ROR1: variants seen among roughly 807,000 people sequenced by gnomAD.
The protein encoded by ROR1 is ROR family WNT receptor 1.
A neutral mutation model predicts 78.8 loss-of-function variants in ROR1; 19 were observed. The ratio of observed to expected loss-of-function variants is 0.24; its 90% CI spans 0.17 to 0.35. The LOEUF is 0.35. ROR1 is among the 10% of genes least tolerant of loss of function. The probability of loss-of-function intolerance (pLI) is 1.00; values close to 1 mark genes in which losing one functional copy is unlikely to be tolerated. For synonymous variants in ROR1, 386 were observed against 433.6 expected, an observed-to-expected ratio of 0.89 and a Z score of 1.36; for missense variants, 917 against 1,177.8, an observed-to-expected ratio of 0.78 and a Z score of 3.24.
intron 4 of ROR1, among the ~76,000 whole-genome samples, chr1:64,085,036 C>T (rs903211406): frequency 1.1e-4 from 16 of 152,152 alleles, no homozygotes; most frequent in South Asian, 4.1e-4. Flanking sequence ...CCAAAATCAA[C>T]GGAGTGAGCA....
intron 2 of ROR1, among the ~76,000 whole-genome samples, chr1:64,021,237 A>G (rs973133805): frequency 5.9e-5 from 9 of 152,262 alleles, no homozygotes; most frequent in Admixed American, 2.0e-4. Flanking sequence ...AGATTTTTCT[A>G]TCCATGGTCT....
intron 6 of ROR1, among the ~76,000 whole-genome samples, chr1:64,140,848 T>C (rs1209093998): frequency 6.6e-6 from 1 of 152,160 alleles, no homozygotes; most frequent in Non-Finnish European, 1.5e-5. Context: ...ATCCAGACAG[T>C]GAAACATTAT....
rs111656300 is a variant in ROR1 at position 63,850,451 on chromosome 1, C to A, written c.91+75943C>A. Among the ~76,000 whole-genome samples the A allele has an allele frequency of 5.6e-3, 853 of 152,330 alleles. 7 individuals are homozygous for A. The highest frequency in any genetic ancestry group is 0.019 in the African/African-American group (793 of 41,574). ...TAGGTGCTGTGGAATTGCTCTCCAA[C>A]GGCCTTATGCCAGTGCGAGCTCCTT... is the stretch of plus-strand genomic sequence containing the variant. On this transcript the variant is annotated intron_variant, in intron 1 of 8. Coordinates refer to ENST00000371079, the MANE Select transcript of ROR1 (RefSeq NM_005012.4).
intron 1 of ROR1, among the ~76,000 whole-genome samples, chr1:63,818,658 A>C (rs1448824603): frequency 2.6e-5 from 4 of 152,372 alleles, no homozygotes; most frequent in Admixed American, 2.0e-4. Context: ...GGTAGAGCCC[A>C]AAATGGGCAT....
intron 1 of ROR1, among the ~76,000 whole-genome samples, chr1:63,975,409 A>T (rs1360416097): frequency 1.3e-5 from 2 of 152,142 alleles, no homozygotes; most frequent in Non-Finnish European, 2.9e-5. Flanking sequence ...TAGCAATGAA[A>T]CCTGGATTTT....
chr1:63,859,373 G>A (rs1396610098), intron 1 of ROR1, among the ~76,000 whole-genome samples: 1 of 152,148 alleles, frequency 6.6e-6, no homozygotes, highest in Non-Finnish European at 1.5e-5. Context: ...ATGAAAATAT[G>A]TACCTCCCTC....
intron 1 of ROR1, among the ~76,000 whole-genome samples, chr1:63,946,885 C>T (rs1645893710): frequency 1.3e-5 from 2 of 152,186 alleles, no homozygotes; most frequent in South Asian, 4.1e-4. Context: ...ACATGCCTGG[C>T]TCCTAACGGA....
At chr1:64,139,210 A>G (rs1649224857) in intron 5 of ROR1, among the ~76,000 whole-genome samples, 1 of 151,646 alleles carries the variant, frequency 6.6e-6, no homozygotes, top group Non-Finnish European at 1.5e-5. Context: ...TTTGATGTAA[A>G]TAATTGGTAA....
rs144886388 is a variant in ROR1, at chr1:63,780,499, A to G, written c.91+5991A>G. On this transcript the variant is annotated intron_variant, in intron 1 of 8. Transcript: ENST00000371079. ...AACTTATAGCGCCTAACACAGCACC[A>G]TGGACTTAGTGAACGTGAAGTATGT... 9.5e-3 allele frequency among the ~76,000 whole-genome samples: 1,453 copies of G among 152,310 alleles called. 9 individuals carry two copies. Among genetic ancestry groups the G allele is most frequent in the Non-Finnish European group, 0.016 (1,068 of 68,016 alleles).
chr1:64,115,203 T>G (rs1648272036), intron 4 of ROR1, among the ~76,000 whole-genome samples: 1 of 151,978 alleles, frequency 6.6e-6, no homozygotes, highest in Non-Finnish European at 1.5e-5. Flanking sequence ...ATTTACTAAC[T>G]AGGTGACCCT....
intron 4 of ROR1, among the ~76,000 whole-genome samples, chr1:64,127,935 C>A (rs1267218643): frequency 6.6e-6 from 1 of 152,076 alleles, no homozygotes; most frequent in Non-Finnish European, 1.5e-5. Flanking sequence ...CAGATTTCCA[C>A]CTTAGATGGC....
chr1:63,896,621 G>A (rs1317683321), intron 1 of ROR1, among the ~76,000 whole-genome samples: 6 of 152,152 alleles, frequency 3.9e-5, no homozygotes, highest in Non-Finnish European at 8.8e-5. Flanking sequence ...CGAAGCACCG[G>A]AAATGACTGG....
Position 63,914,535 on chromosome 1 carries a change from G to A in ROR1, c.92-94770G>A, listed in dbSNP as rs570743965. Among the ~76,000 whole-genome samples, 8 of 152,318 alleles carry A rather than the reference G, an allele frequency of 5.3e-5. No homozygotes were observed. In the East Asian group the frequency reaches 1.5e-3, roughly 29 times the overall value. On this transcript the variant is annotated intron_variant, in intron 1 of 8. Transcript: ENST00000371079. Reference sequence around the variant, plus strand: ...GAGTTGGGAGCTGTTATGCAAAGCTGAGAACCTGTAAGTCGAGGTAGGAAG... The same window carrying A: ...GAGTTGGGAGCTGTTATGCAAAGCTAAGAACCTGTAAGTCGAGGTAGGAAG...
At chr1:63,877,288 C>T (rs557452049) in intron 1 of ROR1, among the ~76,000 whole-genome samples, 11 of 152,192 alleles carry the variant, frequency 7.2e-5, no homozygotes, top group Admixed American at 2.0e-4. Context: ...AGTTAGGCTT[C>T]GGAGCCAGAT....
chr1:63,951,641 C>G (rs1645936586), intron 1 of ROR1, among the ~76,000 whole-genome samples: 1 of 152,110 alleles, frequency 6.6e-6, no homozygotes, highest in African/African-American at 2.4e-5. Flanking sequence ...GGGCTCCACC[C>G]TTTATGCCTC....
At chr1:63,820,702 G>A (rs1036299758) in intron 1 of ROR1, among the ~76,000 whole-genome samples, 3 of 152,190 alleles carry the variant, frequency 2.0e-5, no homozygotes, top group Admixed American at 1.3e-4. Flanking sequence ...GTCAGGTAAG[G>A]TTCTGTATGC....
chr1:64,030,843 A>G (rs1646654413), intron 2 of ROR1, among the ~76,000 whole-genome samples: 1 of 152,100 alleles, frequency 6.6e-6, no homozygotes, highest in African/African-American at 2.4e-5. Context: ...TGTTTCATGT[A>G]TGTTGGTCCA....
At chr1:64,056,705 G>A (rs187490811) in intron 4 of ROR1, among the ~76,000 whole-genome samples, 4 of 151,292 alleles carry the variant, frequency 2.6e-5, no homozygotes, top group Admixed American at 1.3e-4. Context: ...CATTATTATA[G>A]CCATCCTCGT....
At chr1:63,950,212 T>G (rs1334585332) in intron 1 of ROR1, among the ~76,000 whole-genome samples, 6 of 152,116 alleles carry the variant, frequency 3.9e-5, no homozygotes, top group Admixed American at 3.9e-4. Context: ...GAAAGCAAGT[T>G]TATTAGGAAA....
Sources: gnomAD v4.1 joint callset for allele counts (sites outside exome capture counted in the v4.1 genomes callset) on GRCh38, gnomAD v4.1.1 for gene constraint, MANE v1.5 for transcripts, NCBI Gene and HGNC (gene_info 2026-07-23, HGNC 2026-07-21) for gene names.